FASTKD5: variants seen among roughly 807,000 people sequenced by gnomAD.
FASTKD5 encodes the protein non-canonical pre-mRNAs endonuclease FASTKD5, mitochondrial.
Under a neutral mutation model 44.0 loss-of-function variants are expected in FASTKD5, and 30 were observed. That is an observed-to-expected ratio of 0.68 (90% confidence interval 0.51 to 0.93). The LOEUF (loss-of-function observed/expected upper bound fraction) is 0.93, where lower values mean the gene tolerates loss of function less well. Among genes scored for constraint, FASTKD5 ranks in the 40% least tolerant of loss-of-function variants. The pLI is 0.00. For synonymous variants in FASTKD5, 335 were observed against 342.2 expected, an observed-to-expected ratio of 0.98 and a Z score of 0.23; for missense variants, 868 against 908.2, an observed-to-expected ratio of 0.96 and a Z score of 0.57.
intron 1 of FASTKD5, chr20:3,151,706 A>G (rs1555765082): frequency 4.6e-5 from 7 of 152,132 alleles, no homozygotes; most frequent in Middle Eastern, 3.4e-3. Context: ...GTACTAAAAT[A>G]ATGTTTTTCT....
chr20:3,152,251 C>A (rs1275722339), intron 1 of FASTKD5, among the ~76,000 whole-genome samples: 1 of 150,490 alleles, frequency 6.6e-6, no homozygotes, highest in Non-Finnish European at 1.5e-5. Flanking sequence ...GAGGCTGAGG[C>A]GGGTGGATCT....
rs749286015 is a variant in FASTKD5 at position 3,147,823 on chromosome 20, C to T, written c.1248G>A (p.Ala416=). 20 of 1,614,094 alleles carry T rather than the reference C, an allele frequency of 1.2e-5. 1 individual carries two copies. Among genetic ancestry groups the T allele is most frequent in the Admixed American group, 3.3e-5 (2 of 59,998 alleles). Residue 416 remains alanine, a synonymous_variant, in exon 2 of 2, where the codon GCG becomes GCA. Coordinates refer to ENST00000380266, the MANE Select transcript of FASTKD5 (RefSeq NM_021826.5). ...AGTGTGCCACTCTAGGAGGCAAAGA[C>T]GCAGCCACTGCATTCATTACTCCTT... is the stretch of plus-strand genomic sequence containing the variant. ...LNEGVMNAVA[A]SLPPRVAHCR...
chr20:3,158,600 G>C (rs2066714154), intron 1 of FASTKD5, among the ~76,000 whole-genome samples: 1 of 152,106 alleles, frequency 6.6e-6, no homozygotes. Flanking sequence ...TCAGCCTCCA[G>C]AGTAGCTGGG....
At chr20:3,155,251 T>C (rs745403469) in intron 1 of FASTKD5, among the ~76,000 whole-genome samples, 7 of 151,340 alleles carry the variant, frequency 4.6e-5, no homozygotes, top group Non-Finnish European at 8.8e-5. Flanking sequence ...AAAAGTAGGC[T>C]GGGCACAGCG....
rs559924276 is a variant in FASTKD5 at position 3,158,523 on chromosome 20, G to C, written c.-191+1243C>G. Among the ~76,000 whole-genome samples, 4 of 151,944 alleles carry C rather than the reference G, an allele frequency of 2.6e-5. No individual in the cohort carries two copies. The East Asian group carries it at 5.8e-4, about 22-fold the overall frequency. On this transcript the variant is annotated intron_variant, in intron 1 of 1. Coordinates refer to ENST00000380266, the MANE Select transcript of FASTKD5 (RefSeq NM_021826.5). ...GACTCTCGCTCTCTCGCCCAGGCTGGAGTGCAGTGGCGCGATCTCGGCTCA... is the reference window on the plus strand; with the variant it reads ...GACTCTCGCTCTCTCGCCCAGGCTGCAGTGCAGTGGCGCGATCTCGGCTCA...
chr20:3,153,634 T>A (rs928925820), intron 1 of FASTKD5, among the ~76,000 whole-genome samples: 4 of 152,208 alleles, frequency 2.6e-5, no homozygotes, highest in African/African-American at 7.2e-5. Flanking sequence ...CTGAACAATC[T>A]ATGGTCTTCT....
In FASTKD5 at chr20:3,147,391, T is replaced by C. The variant is rs748774999; in HGVS notation, c.1680A>G (p.Leu560=). Residue 560 remains leucine (L), a synonymous_variant, in exon 2 of 2, where the codon TTA becomes TTG. Coordinates refer to ENST00000380266, the MANE Select transcript of FASTKD5 (RefSeq NM_021826.5). ...EKDMNSKPEF[L]ETVFLLETML... ...TGGTCTCCAGTAAAAAGACAGTTTCTAAGAATTCAGGCTTTGAATTCATAT... is the reference window on the plus strand; with the variant it reads ...TGGTCTCCAGTAAAAAGACAGTTTCCAAGAATTCAGGCTTTGAATTCATAT... 1 of 1,614,232 alleles carries C rather than the reference T, an allele frequency of 6.2e-7. No individual in the cohort carries two copies. Among genetic ancestry groups the C allele is most frequent in the Admixed American group, 1.7e-5 (1 of 60,020 alleles).
Position 3,147,550 on chromosome 20 carries a change from C to T in FASTKD5, c.1521G>A (p.Lys507=), listed in dbSNP as rs747723817. ...GFVRLAQERT[K]FDLLKELYTL... ...TATATAGTTCCTTAAGGAGGTCAAA[C>T]TTAGTTCTCTCCTGAGCTAACCTGA... Residue 507 remains lysine (K), a synonymous_variant, in exon 2 of 2, where the codon AAG becomes AAA. Transcript: ENST00000380266. 6.2e-7 allele frequency: 1 copy of T among 1,614,190 alleles called. No homozygotes were observed. The highest frequency in any genetic ancestry group is 8.5e-7 in the Non-Finnish European group (1 of 1,180,038).
At chr20:3,153,344 G>A (rs2066650570) in intron 1 of FASTKD5, among the ~76,000 whole-genome samples, 1 of 152,204 alleles carries the variant, frequency 6.6e-6, no homozygotes, top group African/African-American at 2.4e-5. Flanking sequence ...CTATGCCTTA[G>A]GGCCTCCTCT....
rs1332480110 is a variant in FASTKD5, at chr20:3,147,403, CT to C, written c.1667del (p.Lys556SerfsTer5). On this transcript the variant is annotated frameshift_variant, in exon 2 of 2. Coordinates refer to ENST00000380266, the MANE Select transcript of FASTKD5 (RefSeq NM_021826.5). LOFTEE classifies it low-confidence loss of function (END_TRUNC). The stretch of plus-strand genomic sequence containing the variant: ...AAAAGACAGTTTCTAAGAATTCAGG[CT>C]TTGAATTCATATCCTTCTCTGCTAA... ...WYLAEKDMNSKPEFLETVFLL... is the reference protein window; with the variant it reads ...WYLAEKDMNSXPEFLETVFLL... The C allele has an allele frequency of 1.2e-6, 2 of 1,614,210 alleles. No individual in the cohort carries two copies. The highest frequency in any genetic ancestry group is 1.7e-6 in the Non-Finnish European group (2 of 1,180,034).
chr20:3,151,612 A>G (rs780366332), intron 1 of FASTKD5: 2 of 152,086 alleles, frequency 1.3e-5, no homozygotes, highest in East Asian at 1.9e-4. Context: ...ACACAGCAAG[A>G]CTGTCTAAAA....
intron 1 of FASTKD5, among the ~76,000 whole-genome samples, chr20:3,155,867 T>C (rs968397036): frequency 2.6e-5 from 4 of 152,216 alleles, no homozygotes; most frequent in Admixed American, 6.5e-5. Context: ...CTACTTACTC[T>C]TTTCACTATG....
rs141945805 is a variant in FASTKD5 at position 3,148,156 on chromosome 20, C to T, written c.915G>A (p.Leu305=). The change falls in exon 2 of 2, where the codon TTG becomes TTA. Residue 305 remains leucine (L), a synonymous_variant. Coordinates refer to ENST00000380266, the MANE Select transcript of FASTKD5 (RefSeq NM_021826.5). ...TGATCAAATCTATATATTTAAGGAT[C>T]AATGATTCCAATTTTTGCATTAGGT... ...SQDLMQKLES[L]ILKYIDLINL... 9 of 1,613,612 alleles carry T rather than the reference C, an allele frequency of 5.6e-6. No homozygotes were observed. In the Admixed American group the frequency reaches 1.3e-4, roughly 24 times the overall value.
rs2066566557 is a variant in FASTKD5, at chr20:3,146,735, T to C, written c.*41A>G. On this transcript the variant is annotated 3_prime_UTR_variant, in exon 2 of 2. Transcript: ENST00000380266. ...TCATTTTGCAACACCTGGTACAGTA[T>C]ACACCTATAGCTTTGCCATAGAAAT... 1.9e-6 allele frequency: 3 copies of C among 1,586,172 alleles called. No homozygotes were observed. The highest frequency in any genetic ancestry group is 2.2e-5 in the East Asian group (1 of 44,800).
At chr20:3,150,201 C>T (rs912670017) in intron 1 of FASTKD5, among the ~76,000 whole-genome samples, 1 of 152,016 alleles carries the variant, frequency 6.6e-6, no homozygotes, top group Admixed American at 6.6e-5. Context: ...AGAGTAGTCA[C>T]AGAGTAATGG....
At position 3,149,101 on chromosome 20, in the gene FASTKD5, C is replaced by G; in HGVS notation, c.-31G>C. 1 of 1,580,490 alleles carries G rather than the reference C, an allele frequency of 6.3e-7. No individual in the cohort carries two copies. The highest frequency in any genetic ancestry group is 8.6e-7 in the Non-Finnish European group (1 of 1,163,302). ...TGTCAGTATTGATCTCTTTGGCAGTCAGAATACAGTCCTCACAGATTTGAC... is the reference window on the plus strand; with the variant it reads ...TGTCAGTATTGATCTCTTTGGCAGTGAGAATACAGTCCTCACAGATTTGAC... On this transcript the variant is annotated 5_prime_UTR_variant, in exon 2 of 2. Transcript: ENST00000380266. The surrounding 1 kb of genome is among the most constrained non-coding windows in gnomAD (Gnocchi z 4.1).
chr20:3,148,533 C>T lies in FASTKD5; in HGVS notation c.538G>A (p.Val180Ile), dbSNP rs754540514. The T allele has an allele frequency of 7.4e-6, 12 of 1,614,050 alleles. No individual in the cohort carries two copies. Among genetic ancestry groups the T allele is most frequent in the South Asian group, 1.1e-5 (1 of 91,088 alleles). Residue 180 changes from valine (V) to isoleucine (I), a missense_variant, in exon 2 of 2, where the codon GTC becomes ATC. Val to Ile is a conservative substitution (Grantham distance 29). Transcript: ENST00000380266. ...LSSLPAEQHP[V>I]LLGSTSFALL... The stretch of plus-strand genomic sequence containing the variant: ...GCAAAGCTGGTACTGCCCAGCAAGA[C>T]AGGATGCTGCTCTGCAGGCAAAGAG...
intron 1 of FASTKD5, 88 bp downstream of exon 1, chr20:3,159,678 G>A (rs890295689): frequency 6.6e-6 from 1 of 152,292 alleles, no homozygotes; most frequent in African/African-American, 2.4e-5. Flanking sequence ...GGCCGGCCGG[G>A]AGGACAGGAG....
At position 3,146,722 on chromosome 20, in the gene FASTKD5, A is replaced by G; in HGVS notation, c.*54T>C. 6.5e-7 allele frequency: 1 copy of G among 1,544,390 alleles called. No individual in the cohort carries two copies. Among genetic ancestry groups the G allele is most frequent in the Admixed American group, 2.0e-5 (1 of 48,866 alleles). On this transcript the variant is annotated 3_prime_UTR_variant, in exon 2 of 2. Transcript: ENST00000380266. ...CTGGCTTTTATAATCATTTTGCAACACCTGGTACAGTATACACCTATAGCT... is the reference window on the plus strand; with the variant it reads ...CTGGCTTTTATAATCATTTTGCAACGCCTGGTACAGTATACACCTATAGCT...
Sources: allele counts gnomAD v4.1 joint callset (sites outside exome capture counted in the v4.1 genomes callset), GRCh38; gene constraint gnomAD v4.1.1; non-coding constraint Gnocchi (gnomAD v3.1); transcripts MANE v1.5; gene names NCBI Gene and HGNC (gene_info 2026-07-23, HGNC 2026-07-21).